MIER2: variants seen among roughly 807,000 people sequenced by gnomAD.
MIER2 encodes the protein MIER family member 2.
In MIER2, 30 loss-of-function variants were observed where a neutral mutation model predicts 67.6. That is an observed-to-expected ratio of 0.44 (90% confidence interval 0.33 to 0.60). MIER2 has a LOEUF of 0.60. Among genes scored for constraint, MIER2 ranks in the 20% least tolerant of loss-of-function variants. MIER2 has a pLI of 0.02. For synonymous variants in MIER2, 372 were observed against 312.6 expected (o/e 1.19, Z -2.00); for missense variants, 702 against 745.1 (o/e 0.94, Z 0.67).
chr19:343,014 C>T (rs1184829665), intron 1 of MIER2, among the ~76,000 whole-genome samples: 1 of 152,190 alleles, frequency 6.6e-6, no homozygotes. Context: ...TGACCAGACT[C>T]TGCATCCCTG....
intron 7 of MIER2, among the ~76,000 whole-genome samples, chr19:316,560 G>A (rs1971244741): frequency 1.3e-5 from 2 of 152,190 alleles, no homozygotes; most frequent in Admixed American, 1.3e-4. Context: ...AAAGTGCTCG[G>A]ATTATAGGCA....
chr19:330,793 G>A (rs1462111868), intron 3 of MIER2, among the ~76,000 whole-genome samples: 3 of 152,118 alleles, frequency 2.0e-5, no homozygotes, highest in Non-Finnish European at 2.9e-5. Context: ...GCCAAGAAGA[G>A]AGCCGGCACC....
At chr19:344,231 C>G (rs1972634859) in intron 1 of MIER2, 1 of 985,382 alleles carries the variant, frequency 1.0e-6, no homozygotes, top group Non-Finnish European at 1.2e-6. Context: ...GGGTCCGCGT[C>G]GGGAGTTCAA....
chr19:311,238 G>A (rs1970986115), intron 10 of MIER2, among the ~76,000 whole-genome samples: 1 of 152,246 alleles, frequency 6.6e-6, no homozygotes, highest in African/African-American at 2.4e-5. Context: ...AGAGCCATGG[G>A]AAGGTTTTCA....
chr19:342,145 C>T (rs758388514), intron 1 of MIER2, among the ~76,000 whole-genome samples: 9 of 152,170 alleles, frequency 5.9e-5, no homozygotes, highest in Non-Finnish European at 1.2e-4. Flanking sequence ...AAGTGCCAGG[C>T]GCTTGTTGGA....
intron 1 of MIER2, among the ~76,000 whole-genome samples, chr19:336,784 AT>A (rs903699598): frequency 2.6e-5 from 4 of 151,676 alleles, no homozygotes; most frequent in South Asian, 4.2e-4. Flanking sequence ...GTCAATTACA[AT>A]TTTTTTTTAT....
Position 311,992 on chromosome 19 carries a change from CGGAA to C in MIER2, c.890-57_890-54del, listed in dbSNP as rs1971029341. ...AGTGGTGCCCAGGGCGGGGCCGCAG[CGGAA>C]GGAAGGCCCAGGCCGGGGAGAACAG... On this transcript the variant is annotated intron_variant, in intron 9 of 13. Transcript: ENST00000264819. 7.2e-6 allele frequency: 10 copies of C among 1,384,806 alleles called. No individual in the cohort carries two copies. The East Asian group carries it at 2.6e-4, about 36-fold the overall frequency. The allele number at this position is 1,384,806 out of a possible 1,614,324, so 85.8% of individuals were successfully genotyped here.
chr19:343,003 C>G (rs1171743772), intron 1 of MIER2, among the ~76,000 whole-genome samples: 1 of 152,196 alleles, frequency 6.6e-6, no homozygotes, highest in Non-Finnish European at 1.5e-5. Context: ...ACGTCTCTCT[C>G]TGACCAGACT....
intron 1 of MIER2, among the ~76,000 whole-genome samples, chr19:342,952 C>T (rs566721643): frequency 6.6e-6 from 1 of 152,206 alleles, no homozygotes; most frequent in African/African-American, 2.4e-5. Flanking sequence ...GCCATGGCTC[C>T]TCACGCTCAG....
Position 305,903 on chromosome 19 carries a change from A to C in MIER2, c.*787T>G, listed in dbSNP as rs115921397. ...GGAGTCTGGCCCCTGCGTGGCCAGC[A>C]GGGCCGGCTCCTCCGGAGGCTCCCT... On this transcript the variant is annotated 3_prime_UTR_variant, in exon 14 of 14. Transcript: ENST00000264819. 0.034 allele frequency: 5,207 copies of C among 152,334 alleles called. 130 individuals carry two copies. Among genetic ancestry groups the C allele is most frequent in the African/African-American group, 0.062 (2,589 of 41,542 alleles). The allele number at this position is 152,334 out of a possible 1,614,324, so 9.4% of individuals were successfully genotyped here.
At chr19:318,851 T>C (rs1006309297) in intron 7 of MIER2, among the ~76,000 whole-genome samples, 1 of 151,730 alleles carries the variant, frequency 6.6e-6, no homozygotes, top group African/African-American at 2.4e-5. Context: ...GGTCAGGAGA[T>C]CCAGACCATC....
intron 1 of MIER2, chr19:344,497 C>CCCCACCCCGGCCCCCG (rs1283353149): frequency 4.0e-6 from 2 of 495,362 alleles, no homozygotes; most frequent in Non-Finnish European, 5.2e-6. Context: ...CCCTCCCCTC[C>CCCCACCCCGGCCCCCG]CCCACCCCGG....
At chr19:317,021 C>T (rs113413838) in intron 7 of MIER2, among the ~76,000 whole-genome samples, 5 of 152,200 alleles carry the variant, frequency 3.3e-5, no homozygotes, top group African/African-American at 9.6e-5. Flanking sequence ...ACCTCTAAAG[C>T]GCTAAAACTA....
intron 3 of MIER2, among the ~76,000 whole-genome samples, chr19:333,217 A>T (rs71335235): frequency 1.0e-5 from 1 of 98,144 alleles, no homozygotes; most frequent in Admixed American, 1.1e-4. Context: ...AGCCTGATCT[A>T]GAACTCCTGA....
chr19:321,366 C>T (rs72984480), intron 7 of MIER2, among the ~76,000 whole-genome samples: 22,718 of 152,128 alleles, frequency 0.15, 2,185 homozygotes, highest in African/African-American at 0.26. Flanking sequence ...ATTTATGGGC[C>T]GGGCGCAGGG....
Position 334,468 on chromosome 19 carries a change from C to T in MIER2, c.175G>A (p.Glu59Lys). 2 of 1,614,128 alleles carry T rather than the reference C, an allele frequency of 1.2e-6. No individual in the cohort carries two copies. Among genetic ancestry groups the T allele is most frequent in the Non-Finnish European group, 1.7e-6 (2 of 1,180,008 alleles). ...ILSQNYSVRG[E>K]CEEASRCPDK... ...GGGCACCTCGAGGCCTCCTCGCACT[C>T]CCCCCTAACACTGTAGTTCTGTGAC... The change falls in exon 3 of 14, where the codon GAG becomes AAG. Residue 59 changes from glutamate to lysine, a missense_variant. Transcript: ENST00000264819.
At chr19:337,690 A>C in intron 1 of MIER2, among the ~76,000 whole-genome samples, 1 of 151,340 alleles carries the variant, frequency 6.6e-6, no homozygotes, top group East Asian at 2.0e-4. Context: ...AACATGGTGA[A>C]ACCCTGTCTC....
intron 1 of MIER2, among the ~76,000 whole-genome samples, chr19:342,898 C>G (rs1020318377): frequency 1.3e-5 from 2 of 152,026 alleles, no homozygotes; most frequent in African/African-American, 4.8e-5. Flanking sequence ...CACTGGGCAA[C>G]CTGCCCAAGA....
chr19:310,933 C>T (rs1271466321), intron 10 of MIER2, among the ~76,000 whole-genome samples: 2 of 152,232 alleles, frequency 1.3e-5, no homozygotes, highest in African/African-American at 2.4e-5. Context: ...AGCCACACCT[C>T]GCCCCGCTGT....
Sources: gnomAD v4.1 joint callset for allele counts (sites outside exome capture counted in the v4.1 genomes callset) on GRCh38, gnomAD v4.1.1 for gene constraint, MANE v1.5 for transcripts, NCBI Gene and HGNC (gene_info 2026-07-23, HGNC 2026-07-21) for gene names.